Variants in TUNAR observed in about 807,000 individuals in gnomAD.
TUNAR encodes the protein protein TUNAR.
intron 2 of TUNAR, among the ~76,000 whole-genome samples, chr14:95,879,627 T>C (rs769748495): frequency 1.1e-4 from 16 of 152,216 alleles, no homozygotes; most frequent in Admixed American, 6.5e-5. Flanking sequence ...TCTCATATTT[T>C]TTGCCTTTTT....
chr14:95,920,800 G>T (rs1396515231), intron 2 of TUNAR, among the ~76,000 whole-genome samples: 1 of 152,122 alleles, frequency 6.6e-6, no homozygotes, highest in Non-Finnish European at 1.5e-5. Flanking sequence ...ATCCTTCCTG[G>T]ATATGTGCCC....
chr14:95,914,647 A>G (rs1178683064), intron 2 of TUNAR, among the ~76,000 whole-genome samples: 1 of 151,612 alleles, frequency 6.6e-6, no homozygotes, highest in African/African-American at 2.4e-5. Context: ...AGTCATGAGA[A>G]TGAGCCTCTG....
intron 2 of TUNAR, among the ~76,000 whole-genome samples, chr14:95,913,136 T>C (rs1889544723): frequency 7.1e-6 from 1 of 139,878 alleles, no homozygotes; most frequent in Admixed American, 7.0e-5. Flanking sequence ...ACCATCATTT[T>C]CTTTCCTTTT....
At chr14:95,894,821 C>T (rs1889234432) in intron 2 of TUNAR, among the ~76,000 whole-genome samples, 1 of 152,186 alleles carries the variant, frequency 6.6e-6, no homozygotes, top group South Asian at 2.1e-4. Flanking sequence ...GGATGACGCA[C>T]AGGGAAGGTG....
At chr14:95,922,631 A>G in intron 2 of TUNAR, 150 bp from the exon 2 acceptor site, 1 of 389,678 alleles carries the variant, frequency 2.6e-6, no homozygotes. Context: ...GCCAAGAGCA[A>G]GGTGTCCCAA....
intron 2 of TUNAR, among the ~76,000 whole-genome samples, chr14:95,896,335 C>G (rs1244521386): frequency 1.3e-5 from 2 of 152,288 alleles, no homozygotes; most frequent in South Asian, 2.1e-4. Flanking sequence ...GGTAGAACCC[C>G]AGAAATAGAG....
intron 2 of TUNAR, among the ~76,000 whole-genome samples, chr14:95,909,107 G>A (rs543556296): frequency 3.3e-5 from 5 of 152,262 alleles, no homozygotes; most frequent in African/African-American, 1.2e-4. Flanking sequence ...ACGTGTTCTC[G>A]TTGAGCAAAG....
chr14:95,923,746 C>A (rs1009221413), exon 3 of TUNAR: 1 of 152,146 alleles, frequency 6.6e-6, no homozygotes, highest in African/African-American at 2.4e-5. Context: ...TCTCTCTCTG[C>A]CTCTTTGGTC....
At chr14:95,885,376 C>T (rs1355891240) in intron 2 of TUNAR, among the ~76,000 whole-genome samples, 3 of 152,104 alleles carry the variant, frequency 2.0e-5, no homozygotes, top group Admixed American at 6.5e-5. Context: ...TTGGGGAAAA[C>T]GTGTTACGTA....
intron 2 of TUNAR, among the ~76,000 whole-genome samples, chr14:95,898,507 G>T (rs1170043903): frequency 6.6e-6 from 1 of 152,118 alleles, no homozygotes; most frequent in East Asian, 1.9e-4. Flanking sequence ...CCTCTTACTT[G>T]TCAGCTCTAA....
At chr14:95,891,950 C>G (rs955656966) in intron 2 of TUNAR, among the ~76,000 whole-genome samples, 4 of 152,240 alleles carry the variant, frequency 2.6e-5, no homozygotes, top group African/African-American at 9.6e-5. Flanking sequence ...GACCTTCTCC[C>G]TGTGCATCTA....
intron 2 of TUNAR, among the ~76,000 whole-genome samples, chr14:95,885,267 C>T (rs1889057413): frequency 6.6e-6 from 1 of 152,214 alleles, no homozygotes; most frequent in Non-Finnish European, 1.5e-5. Flanking sequence ...GATGCTTTCT[C>T]TGGACATATT....
intron 2 of TUNAR, among the ~76,000 whole-genome samples, chr14:95,909,962 C>T (rs1483351882): frequency 2.0e-5 from 3 of 152,168 alleles, no homozygotes; most frequent in Admixed American, 2.0e-4. Context: ...GTTAGAGCCC[C>T]AGCAGGCGGT....
intron 2 of TUNAR, among the ~76,000 whole-genome samples, chr14:95,885,634 G>T (rs1889064243): frequency 6.6e-6 from 1 of 152,162 alleles, no homozygotes; most frequent in Non-Finnish European, 1.5e-5. Flanking sequence ...AGGCTGCAAG[G>T]CAGGGACAAG....
intron 2 of TUNAR, among the ~76,000 whole-genome samples, chr14:95,897,661 G>A (rs1052244020): frequency 2.0e-5 from 3 of 152,176 alleles, no homozygotes; most frequent in Non-Finnish European, 4.4e-5. Context: ...GCACTGGGAT[G>A]ACCTTTTCTT....
intron 2 of TUNAR, among the ~76,000 whole-genome samples, chr14:95,907,811 A>G (rs981601758): frequency 4.6e-5 from 7 of 152,152 alleles, no homozygotes; most frequent in Non-Finnish European, 7.4e-5. Context: ...TCCTCTTTGC[A>G]GCTGAGTCTC....
intron 2 of TUNAR, among the ~76,000 whole-genome samples, chr14:95,878,277 T>A (rs1888922387): frequency 6.6e-6 from 1 of 152,004 alleles, no homozygotes; most frequent in Non-Finnish European, 1.5e-5. Context: ...AGCTGTTTGC[T>A]TAAGTGCATT....
chr14:95,916,894 G>A (rs925197693), intron 2 of TUNAR, among the ~76,000 whole-genome samples: 1 of 152,102 alleles, frequency 6.6e-6, no homozygotes, highest in African/African-American at 2.4e-5. Context: ...CTTCTTTACG[G>A]CTGTTTACTC....
At chr14:95,878,237 A>C (rs1888921867) in intron 2 of TUNAR, among the ~76,000 whole-genome samples, 1 of 152,258 alleles carries the variant, frequency 6.6e-6, no homozygotes, top group South Asian at 2.1e-4. Flanking sequence ...TGCCTGATGC[A>C]TGCCCCCAGT....
Sources: gnomAD v4.1 joint callset for allele counts (sites outside exome capture counted in the v4.1 genomes callset) on GRCh38, gnomAD v4.1.1 for gene constraint, MANE v1.5 for transcripts, NCBI Gene and HGNC (gene_info 2026-07-23, HGNC 2026-07-21) for gene names.